Variants in CASK observed in about 807,000 individuals in gnomAD.
The protein encoded by CASK is calcium/calmodulin dependent serine protein kinase, also known as peripheral plasma membrane protein CASK.
Under a neutral mutation model 82.9 loss-of-function variants are expected in CASK, and 4 were observed. The observed-to-expected ratio is 0.05, with a 90% CI of 0.02 to 0.11. The LOEUF (loss-of-function observed/expected upper bound fraction) is 0.11. Among genes scored for constraint, CASK ranks in the 10% least tolerant of loss-of-function variants. The probability of loss-of-function intolerance (pLI) is 1.00; values close to 1 mark genes in which losing one functional copy is unlikely to be tolerated. For missense variants in CASK, 358 were observed against 720.9 expected (o/e 0.50, Z 5.76); for synonymous variants, 259 against 253.5 (o/e 1.02, Z -0.20).
chrX:41,527,530 A>G (rs972452090), intron 25 of CASK, among the ~76,000 whole-genome samples: 3 of 112,106 alleles, frequency 2.7e-5, no homozygotes, highest in Non-Finnish European at 5.6e-5. Flanking sequence ...AGGCACACAG[A>G]GGCAAGCATC....
intron 8 of CASK, among the ~76,000 whole-genome samples, chrX:41,648,909 T>C (rs1020920735): frequency 8.9e-6 from 1 of 111,744 alleles, no homozygotes; most frequent in Non-Finnish European, 1.9e-5. Flanking sequence ...TGGTAGGCTA[T>C]TAATTATTGC....
intron 6 of CASK, 141 bp downstream of exon 6, chrX:41,671,287 C>G (rs891739629): frequency 3.8e-5 from 19 of 503,207 alleles, no homozygotes; most frequent in African/African-American, 3.6e-4. Context: ...TAAAAACTAT[C>G]TGATGATGCT....
At chrX:41,757,257 G>A (rs939034495) in intron 3 of CASK, among the ~76,000 whole-genome samples, 2 of 111,062 alleles carry the variant, frequency 1.8e-5, no homozygotes, top group African/African-American at 6.6e-5. Flanking sequence ...TTGTGGTACT[G>A]TTTTGATGTC....
intron 1 of CASK, among the ~76,000 whole-genome samples, chrX:41,873,368 T>C (rs1168610388): frequency 9.4e-6 from 1 of 106,808 alleles, no homozygotes; most frequent in Non-Finnish European, 1.9e-5. Flanking sequence ...CTGCTTAACA[T>C]TAAGTGTTCC....
chrX:41,662,125 T>C (rs1301315168), intron 7 of CASK, among the ~76,000 whole-genome samples: 2 of 111,482 alleles, frequency 1.8e-5, no homozygotes, highest in Admixed American at 1.9e-4. Context: ...ATTGGGGAGA[T>C]TGAATCTATA....
chrX:41,601,854 T>G (rs1296957192), intron 12 of CASK, among the ~76,000 whole-genome samples: 1 of 111,500 alleles, frequency 9.0e-6, no homozygotes. Context: ...GTTCATTTCT[T>G]GCATATGGAT....
rs1428297511 is a variant in CASK, at chrX:41,587,459, CT to C, written c.1234-473del. On this transcript the variant is annotated intron_variant, in intron 13 of 26. Coordinates refer to ENST00000378163, the MANE Select transcript of CASK (RefSeq NM_001367721.1). ...AGAACAGAACTAATTAATTAGACTA[CT>C]TAATTAAGAATACACAAGTAATTTT... 3 of 113,293 alleles carry C rather than the reference CT, an allele frequency of 2.6e-5. No homozygotes were observed. In the Admixed American group the frequency reaches 2.8e-4, roughly 11 times the overall value. The allele number at this position is 113,293 out of a possible 1,213,427, so 9.3% of individuals were successfully genotyped here.
chrX:41,696,344 A>G lies in CASK; in HGVS notation c.430-24814T>C, dbSNP rs781140953. 5.1e-6 allele frequency: 6 copies of G among 1,168,967 alleles called. No homozygotes were observed. The Admixed American group carries it at 7.5e-5, about 15-fold the overall frequency. ...TAATTTTCTTACTAATAATCCTTTC[A>G]TATATTAAGATTGGGAAGAATCTAT... On this transcript the variant is annotated intron_variant, in intron 5 of 26. Coordinates refer to ENST00000378163, the MANE Select transcript of CASK (RefSeq NM_001367721.1).
chrX:41,735,360 T>C (rs762980678), intron 5 of CASK, among the ~76,000 whole-genome samples: 1 of 111,813 alleles, frequency 8.9e-6, no homozygotes, highest in South Asian at 3.7e-4. Flanking sequence ...GTTGCTTTAT[T>C]GGCAAAAATA....
chrX:41,588,931 T>C (rs1381432499), intron 13 of CASK, among the ~76,000 whole-genome samples: 2 of 111,691 alleles, frequency 1.8e-5, no homozygotes, highest in Non-Finnish European at 3.8e-5. Context: ...TATAAAAAAA[T>C]TTATATGCAA....
At chrX:41,635,504 A>T (rs1179863016) in intron 9 of CASK, among the ~76,000 whole-genome samples, 2 of 111,872 alleles carry the variant, frequency 1.8e-5, no homozygotes, top group African/African-American at 6.5e-5. Context: ...ATCAAAAGTA[A>T]GTCAAACATA....
chrX:41,801,106 A>T (rs1452841189), intron 2 of CASK, among the ~76,000 whole-genome samples: 1 of 111,926 alleles, frequency 8.9e-6, no homozygotes, highest in Non-Finnish European at 1.9e-5. Flanking sequence ...TGTGACCTTT[A>T]CAAAGGAGGG....
At chrX:41,840,586 A>T (rs1040718356) in intron 2 of CASK, among the ~76,000 whole-genome samples, 1 of 112,040 alleles carries the variant, frequency 8.9e-6, no homozygotes. Context: ...ATCATGTCTT[A>T]TTGCATTAGC....
Position 41,583,520 on chromosome X carries a change from T to C in CASK, c.1314+3387A>G, listed in dbSNP as rs749688350. Among the ~76,000 whole-genome samples, 8 of 110,700 alleles carry C rather than the reference T, an allele frequency of 7.2e-5. No homozygotes were observed. In the East Asian group the frequency reaches 2.2e-3, roughly 31 times the overall value. ...GGCGTGATCTCGCCTCACTGAAACC[T>C]CTGTCTCCTGGGTTCAGGTGATTCT... On this transcript the variant is annotated intron_variant, in intron 14 of 26. Transcript: ENST00000378163.
Position 41,559,861 on chromosome X carries a change from G to A in CASK, c.1669-14C>T, listed in dbSNP as rs1029770398. The stretch of plus-strand genomic sequence containing the variant: ...CCGCATTTCCCTCTGGAGGGGGGGT[G>A]GTGGGAAAGAAAGAAAAGTTTTCTT... On this transcript the variant is annotated splice_polypyrimidine_tract_variant and intron_variant, in intron 17 of 26. Transcript: ENST00000378163. The A allele has an allele frequency of 2.5e-6, 3 of 1,193,110 alleles. No individual in the cohort carries two copies. Among genetic ancestry groups the A allele is most frequent in the Non-Finnish European group, 3.4e-6 (3 of 880,709 alleles).
At chrX:41,775,964 A>G (rs2069356142) in intron 3 of CASK, among the ~76,000 whole-genome samples, 1 of 107,080 alleles carries the variant, frequency 9.3e-6, no homozygotes, top group Non-Finnish European at 1.9e-5. Flanking sequence ...GCAGCGCACC[A>G]GCATGGCACA....
At chrX:41,612,873 A>C in intron 11 of CASK, among the ~76,000 whole-genome samples, 1 of 64,824 alleles carries the variant, frequency 1.5e-5, no homozygotes, top group East Asian at 5.7e-4. Context: ...CCCGTCCGGG[A>C]GGGAGGTGGG....
chrX:41,576,284 T>C (rs972330727), intron 15 of CASK, among the ~76,000 whole-genome samples: 1 of 111,436 alleles, frequency 9.0e-6, no homozygotes, highest in Non-Finnish European at 1.9e-5. Flanking sequence ...ATTCAGTCTA[T>C]GTTTCTATGT....
rs772856003 is a variant in CASK, at chrX:41,766,015, T to C, written c.279-20414A>G. ...TGCAGAATGTTAATTTTGGGAAGAA[T>C]TGGGCAAAGTCTACAAGGATCTATA... On this transcript the variant is annotated intron_variant, in intron 3 of 26. Coordinates refer to ENST00000378163, the MANE Select transcript of CASK (RefSeq NM_001367721.1). 2.3e-4 allele frequency among the ~76,000 whole-genome samples: 26 copies of C among 112,258 alleles called. No homozygotes were observed. The South Asian group carries it at 4.4e-3, about 19-fold the overall frequency.
Sources: allele counts gnomAD v4.1 joint callset (sites outside exome capture counted in the v4.1 genomes callset), GRCh38; gene constraint gnomAD v4.1.1; transcripts MANE v1.5; gene names NCBI Gene and HGNC (gene_info 2026-07-23, HGNC 2026-07-21).